The following ATP13A1 variants were observed in gnomAD, a reference collection of about 807,000 sequenced individuals.
ATP13A1 encodes the protein endoplasmic reticulum transmembrane helix translocase.
In ATP13A1, 55 loss-of-function variants were observed where a neutral mutation model predicts 134.8. The observed-to-expected ratio is 0.41, with a 90% CI of 0.33 to 0.51. The LOEUF (loss-of-function observed/expected upper bound fraction) is 0.51, where lower values mean the gene tolerates loss of function less well. Among genes scored for constraint, ATP13A1 ranks in the 20% least tolerant of loss-of-function variants. ATP13A1 has a pLI of 0.29. For synonymous variants in ATP13A1, 775 were observed against 725.1 expected (o/e 1.07, Z -1.10); for missense variants, 1,389 against 1,652.8 (o/e 0.84, Z 2.77).
In ATP13A1 at chr19:19,653,545, C is replaced by CA. The variant is rs1158372017; in HGVS notation, c.2100+238dup. The CA allele has an allele frequency of 3.5e-6, 2 of 578,144 alleles. No homozygotes were observed. The highest frequency in any genetic ancestry group is 3.3e-5 in the Admixed American group (1 of 30,118). 35.8% of individuals were successfully genotyped at this position (578,144 alleles called of 1,614,324 possible). A position where few individuals can be genotyped will look rare whatever the true frequency, so the allele number is the denominator to read the frequency against. ...GGGCAAAAGAGTAGAGCTAGGGACA[C>CA]ACCAGGACTGGGGCAGGTAAGCCCT... On this transcript the variant is annotated intron_variant, in intron 15 of 25. Transcript: ENST00000357324. The surrounding 1 kb of genome is among the most constrained non-coding windows in gnomAD (Gnocchi z 4.2).
rs369319035 is a variant in ATP13A1, at chr19:19,655,873, C to A, written c.1269+5G>T. Reference sequence around the variant, plus strand: ...GGCCCGCCCTCCCCAGACCTGGCCCCGCACCTGGGATGTGTTGAATCCGGT... The same window carrying A: ...GGCCCGCCCTCCCCAGACCTGGCCCAGCACCTGGGATGTGTTGAATCCGGT... On this transcript the variant is annotated splice_donor_5th_base_variant and intron_variant, in intron 9 of 25. Transcript: ENST00000357324. The surrounding 1 kb of genome is among the most constrained non-coding windows in gnomAD (Gnocchi z 5.7). 5 of 1,580,118 alleles carry A rather than the reference C, an allele frequency of 3.2e-6. No homozygotes were observed. Among genetic ancestry groups the A allele is most frequent in the Non-Finnish European group, 4.3e-6 (5 of 1,168,752 alleles).
Position 19,645,471 on chromosome 19 carries a change from C to T in ATP13A1, c.3566G>A (p.Arg1189His), listed in dbSNP as rs749770133. 41 of 1,608,248 alleles carry T rather than the reference C, an allele frequency of 2.5e-5. No homozygotes were observed. Among genetic ancestry groups the T allele is most frequent in the East Asian group, 2.2e-5 (1 of 44,600 alleles). ...GGTCCCCAGGAAGAACTGCAGGACG[C>T]GGTCGGCCAGGAGCGCCAGGCAGAA... ...LDFCLALLADRVLQFFLGTPK... is the reference protein window; with the variant it reads ...LDFCLALLADHVLQFFLGTPK... The change falls in exon 26 of 26, where the codon CGC becomes CAC. Residue 1189 changes from arginine to histidine, a missense_variant. This residue lies in a region of ATP13A1 where 228 missense variants were observed against 321.0 expected (regional missense o/e 0.71). Coordinates refer to ENST00000357324, the MANE Select transcript of ATP13A1 (RefSeq NM_020410.3). This position sits in a 1 kb window ranked among gnomAD's most constrained non-coding sequence, Gnocchi z 4.1.
At position 19,645,762 on chromosome 19, in the gene ATP13A1, T is replaced by C. The variant is rs747263186; in HGVS notation, c.3389A>G (p.Glu1130Gly). Residue 1130 changes from glutamate to glycine, a missense_variant, in exon 25 of 26, where the codon GAG becomes GGG. Around this residue, in one of 4 missense-constraint regions of ATP13A1, gnomAD observed 228 missense variants for 321.0 expected, o/e 0.71. Coordinates refer to ENST00000357324, the MANE Select transcript of ATP13A1 (RefSeq NM_020410.3). This position sits in a 1 kb window ranked among gnomAD's most constrained non-coding sequence, Gnocchi z 4.1. ...KGPPFMESLP[E>G]NKPLVWSLAV... ...CAGACTCCACACCAGGGGCTTGTTC[T>C]CGGGCAGGCTCTCCATGAAGGGCGG... 7.0e-7 allele frequency: 1 copy of C among 1,433,704 alleles called. No individual in the cohort carries two copies. Among genetic ancestry groups the C allele is most frequent in the South Asian group, 1.1e-5 (1 of 88,076 alleles). The allele number at this position is 1,433,704 out of a possible 1,614,324, so 88.8% of individuals were successfully genotyped here.
At chr19:19,662,385 G>A in intron 1 of ATP13A1, 1 of 984,364 alleles carries the variant, frequency 1.0e-6, no homozygotes. Context: ...CTGTCTTTCT[G>A]TAGCCCTTGA....
rs1400829247 is a variant in ATP13A1, at chr19:19,659,793, T to C, written c.487-2A>G. On this transcript the variant is annotated splice_acceptor_variant, in intron 2 of 25. Coordinates refer to ENST00000357324, the MANE Select transcript of ATP13A1 (RefSeq NM_020410.3). LOFTEE classifies it high-confidence loss of function. ...CAGCACCTCAAGCCCGTCTTCGCCC[T>C]GCGGTAGAAGGTGTGTTTGCCACAG... is the stretch of plus-strand genomic sequence containing the variant. 1 of 1,613,090 alleles carries C rather than the reference T, an allele frequency of 6.2e-7. No individual in the cohort carries two copies. Among genetic ancestry groups the C allele is most frequent in the South Asian group, 1.1e-5 (1 of 91,028 alleles).
In ATP13A1 at chr19:19,655,611, G is replaced by C; in HGVS notation, c.1313C>G (p.Thr438Ser). 2 of 1,613,904 alleles carry C rather than the reference G, an allele frequency of 1.2e-6. No homozygotes were observed. The highest frequency in any genetic ancestry group is 1.1e-5 in the South Asian group (1 of 91,058). ...GATGAAGGTCTCCAGGTTGTTCGCA[G>C]TCACCCTCTTGACCCCGAAGAGGAT... ...RTILFGVKRV[T>S]ANNLETFIFI... Residue 438 changes from threonine (T) to serine (S), a missense_variant, in exon 10 of 26, where the codon ACT becomes AGT. Thr to Ser is a moderately conservative substitution (Grantham distance 58, BLOSUM62 1). This residue lies in a region of ATP13A1 where 747 missense variants were observed against 956.1 expected (regional missense o/e 0.78). Transcript: ENST00000357324. The surrounding 1 kb of genome is among the most constrained non-coding windows in gnomAD (Gnocchi z 5.7).
At chr19:19,662,222 C>T (rs1274232028) in intron 1 of ATP13A1, 3 of 1,521,774 alleles carry the variant, frequency 2.0e-6, no homozygotes, top group Non-Finnish European at 1.8e-6. Context: ...TTTTGTCCCT[C>T]ATTGGTGTCT....
At position 19,656,941 on chromosome 19, in the gene ATP13A1, CAGAA is replaced by C; in HGVS notation, c.907-29_907-26del. ...CCTGGGCGGGGCATGGGTGTCAGCA[CAGAA>C]GCCGCACCTGTGCTGCACCCCCAAC... On this transcript the variant is annotated intron_variant, in intron 5 of 25. Transcript: ENST00000357324. This position sits in a 1 kb window ranked among gnomAD's most constrained non-coding sequence, Gnocchi z 4.6. 6.2e-7 allele frequency: 1 copy of C among 1,604,630 alleles called. No individual in the cohort carries two copies. The highest frequency in any genetic ancestry group is 1.3e-5 in the African/African-American group (1 of 74,846).
At chr19:19,662,451 G>T in intron 1 of ATP13A1, 1 of 834,804 alleles carries the variant, frequency 1.2e-6, no homozygotes, top group Non-Finnish European at 1.4e-6. Context: ...CAGAGGGGAA[G>T]CTTCCTGATA....
At chr19:19,646,747 C>T in intron 22 of ATP13A1, 1 of 385,436 alleles carries the variant, frequency 2.6e-6, no homozygotes, top group Non-Finnish European at 4.8e-6. Context: ...CGCTGGCCCC[C>T]CTGGTTCTTT....
chr19:19,661,775 G>C (rs1050524274), intron 1 of ATP13A1, among the ~76,000 whole-genome samples: 1 of 152,168 alleles, frequency 6.6e-6, no homozygotes, highest in Non-Finnish European at 1.5e-5. Flanking sequence ...CATGGAGATG[G>C]GGGGAGCACA....
In ATP13A1 at chr19:19,647,324, G is replaced by A; in HGVS notation, c.2910C>T (p.Ile970=). 6.2e-7 allele frequency: 1 copy of A among 1,612,260 alleles called. No homozygotes were observed. The highest frequency in any genetic ancestry group is 8.5e-7 in the Non-Finnish European group (1 of 1,179,416). ...AGCGGCCCTGCTTGATCACGTGGCA[G>A]ACTGCAGGGTGGTGGGGAGGCAGGT... ...FTSKLSSIQC[I]CHVIKQGRCT... is the part of the protein sequence containing the mutation. The change falls in exon 22 of 26, where the codon ATC becomes ATT. Residue 970 remains isoleucine (I), a splice_region_variant and synonymous_variant. Coordinates refer to ENST00000357324, the MANE Select transcript of ATP13A1 (RefSeq NM_020410.3). This position sits in a 1 kb window ranked among gnomAD's most constrained non-coding sequence, Gnocchi z 4.8.
At chr19:19,649,457 G>A in intron 19 of ATP13A1, 110 bp downstream of exon 19, 1 of 1,158,920 alleles carries the variant, frequency 8.6e-7, no homozygotes, top group Non-Finnish European at 1.2e-6. Context: ...ATCCTCACAG[G>A]AATTAGTGCC....
chr19:19,649,119 CAA>C (rs971536923), intron 19 of ATP13A1, among the ~76,000 whole-genome samples: 12 of 136,992 alleles, frequency 8.8e-5, no homozygotes, highest in East Asian at 6.7e-4. Context: ...AAGGCTCCGT[CAA>C]AAAAAAAAAA....
chr19:19,652,673 G>A lies in ATP13A1; in HGVS notation c.2148C>T (p.Val716=), dbSNP rs200083832. Residue 716 remains valine (V), a synonymous_variant, in exon 16 of 26, where the codon GTC becomes GTT. Coordinates refer to ENST00000357324, the MANE Select transcript of ATP13A1 (RefSeq NM_020410.3). ...REALECSLKF[V]GFIVVSCPLK... ...GCGGGCAGGAGACCACAATGAAGCC[G>A]ACGAACTTGAGGCTGCACTCCAGGG... is the stretch of plus-strand genomic sequence containing the variant. 2.7e-5 allele frequency: 43 copies of A among 1,608,338 alleles called. No individual in the cohort carries two copies. The highest frequency in any genetic ancestry group is 2.2e-5 in the East Asian group (1 of 44,662).
At chr19:19,658,467 G>T (rs1325679023) in intron 3 of ATP13A1, among the ~76,000 whole-genome samples, 11 of 152,230 alleles carry the variant, frequency 7.2e-5, no homozygotes, top group Admixed American at 2.0e-4. Context: ...CAACCTTGGG[G>T]TAGGGGAAGT....
rs945100664 is a variant in ATP13A1 at position 19,657,279 on chromosome 19, C to T, written c.750+57G>A. 65 of 1,525,908 alleles carry T rather than the reference C, an allele frequency of 4.3e-5. No individual in the cohort carries two copies. The highest frequency in any genetic ancestry group is 1.6e-4 in the South Asian group (13 of 80,726). The allele number at this position is 1,525,908 out of a possible 1,614,324, so 94.5% of individuals were successfully genotyped here. On this transcript the variant is annotated intron_variant, in intron 4 of 25. Transcript: ENST00000357324. ...TTAGAAGTGGTGGGCAGGCTTGATC[C>T]GGTTAGGAAAGCCCCAAGGGAGGAA...
At position 19,660,055 on chromosome 19, in the gene ATP13A1, A is replaced by G. The variant is rs549869367; in HGVS notation, c.397-68T>C. 49 of 1,406,092 alleles carry G rather than the reference A, an allele frequency of 3.5e-5. 1 individual carries two copies. In the South Asian group the frequency reaches 5.6e-4, roughly 16 times the overall value. The allele number at this position is 1,406,092 out of a possible 1,614,324, so 87.1% of individuals were successfully genotyped here. ...CCTACAGTTCCAAGACCCCCCCGGG[A>G]GGTTTTGGGTGCAGCAGCTCTATGG... On this transcript the variant is annotated intron_variant, in intron 1 of 25. Transcript: ENST00000357324.
chr19:19,655,548 G>A lies in ATP13A1; in HGVS notation c.1376C>T (p.Ala459Val). The A allele has an allele frequency of 1.2e-6, 2 of 1,613,998 alleles. No homozygotes were observed. The highest frequency in any genetic ancestry group is 1.7e-6 in the Non-Finnish European group (2 of 1,179,882). The stretch of plus-strand genomic sequence containing the variant: ...CTTACCTTCAATCCATACATAGGCA[G>A]CTGCAGCGATGGCAAACACCAGGAG... ...LFLLVFAIAA[A>V]AYVWIEGTKD... is the part of the protein sequence containing the mutation. The change falls in exon 10 of 26, where the codon GCT (alanine) becomes GTT (valine). Residue 459 changes from alanine (A) to valine (V), a missense_variant. Coordinates refer to ENST00000357324, the MANE Select transcript of ATP13A1 (RefSeq NM_020410.3). This position sits in a 1 kb window ranked among gnomAD's most constrained non-coding sequence, Gnocchi z 5.7.
Sources: allele counts gnomAD v4.1 joint callset (sites outside exome capture counted in the v4.1 genomes callset), GRCh38; gene constraint gnomAD v4.1.1; regional missense constraint gnomAD v4.1.1; non-coding constraint Gnocchi (gnomAD v3.1); transcripts MANE v1.5; gene names NCBI Gene and HGNC (gene_info 2026-07-23, HGNC 2026-07-21).